DLG1: variants seen among roughly 807,000 people sequenced by gnomAD.
The protein encoded by DLG1 is disks large homolog 1.
DLG1 carries 42 observed loss-of-function variants against 123.4 expected under a neutral mutation model. That is an observed-to-expected ratio of 0.34 (90% CI 0.27 to 0.44). DLG1 has a LOEUF of 0.44. DLG1 is among the 20% of genes least tolerant of loss of function. The pLI is 1.00. For missense variants in DLG1, 942 were observed against 1,082.6 expected (o/e 0.87, Z 1.82); for synonymous variants, 317 against 356.2 (o/e 0.89, Z 1.24).
chr3:197,149,475 A>T (rs546961678), intron 6 of DLG1, among the ~76,000 whole-genome samples: 20 of 152,222 alleles, frequency 1.3e-4, no homozygotes, highest in Non-Finnish European at 2.6e-4. Context: ...GGTCAGAGAC[A>T]ACCTTTTGTG....
At chr3:197,260,797 T>C (rs181629479) in intron 4 of DLG1, among the ~76,000 whole-genome samples, 166 of 85,640 alleles carry the variant, frequency 1.9e-3, no homozygotes, top group African/African-American at 7.2e-3. Context: ...ACTAAAAATA[T>C]GCAAGCAAAC....
intron 4 of DLG1, among the ~76,000 whole-genome samples, chr3:197,253,386 T>G (rs563186866): frequency 1.3e-5 from 2 of 152,052 alleles, no homozygotes; most frequent in African/African-American, 4.8e-5. Flanking sequence ...TAAAATAAAA[T>G]GAGGCAACAC....
intron 15 of DLG1, among the ~76,000 whole-genome samples, chr3:197,090,592 A>C (rs1757218313): frequency 6.6e-6 from 1 of 152,090 alleles, no homozygotes; most frequent in South Asian, 2.1e-4. Context: ...GTTAAATCTA[A>C]GTGTTAGACA....
intron 3 of DLG1, chr3:197,293,893 G>C (rs1170113582): frequency 3.1e-5 from 4 of 130,150 alleles, no homozygotes; most frequent in African/African-American, 1.1e-4. Flanking sequence ...AGAAGACAGA[G>C]TGCCACTTAC....
intron 4 of DLG1, among the ~76,000 whole-genome samples, chr3:197,255,830 T>C (rs1199728330): frequency 1.3e-5 from 2 of 151,460 alleles, no homozygotes; most frequent in Non-Finnish European, 2.9e-5. Context: ...AAAGAGCTAA[T>C]GGGAGTCTTT....
chr3:197,147,337 C>T (rs1025959188), intron 6 of DLG1, among the ~76,000 whole-genome samples: 1 of 152,112 alleles, frequency 6.6e-6, no homozygotes, highest in African/African-American at 2.4e-5. Flanking sequence ...GATACTTGCA[C>T]ATGCATGTTT....
At chr3:197,075,768 AT>A (rs1391390619) in intron 18 of DLG1, 6 of 1,392,650 alleles carry the variant, frequency 4.3e-6, no homozygotes, top group Admixed American at 1.8e-5. Context: ...GAATCTCAAA[AT>A]GTATCTGAAT....
chr3:197,144,696 T>A (rs908033723), intron 6 of DLG1, among the ~76,000 whole-genome samples: 1 of 152,200 alleles, frequency 6.6e-6, no homozygotes, highest in African/African-American at 2.4e-5. Flanking sequence ...TTGAAGCCCA[T>A]CTCTACTACC....
intron 4 of DLG1, among the ~76,000 whole-genome samples, chr3:197,256,727 G>A (rs572725921): frequency 6.6e-6 from 1 of 152,178 alleles, no homozygotes; most frequent in East Asian, 1.9e-4. Context: ...TTATCAATAC[G>A]AGCTTTCAGT....
At chr3:197,268,493 C>G (rs1404948598) in intron 4 of DLG1, among the ~76,000 whole-genome samples, 1 of 151,960 alleles carries the variant, frequency 6.6e-6, no homozygotes. Context: ...GATCACAGCT[C>G]ACTGCAGCCT....
intron 5 of DLG1, among the ~76,000 whole-genome samples, chr3:197,152,589 C>T (rs574650852): frequency 2.0e-5 from 3 of 151,154 alleles, no homozygotes; most frequent in South Asian, 4.2e-4. Flanking sequence ...ATCCTGGCCC[C>T]GTCTCTACTA....
chr3:197,254,348 T>A (rs1755863354), intron 4 of DLG1, among the ~76,000 whole-genome samples: 1 of 152,210 alleles, frequency 6.6e-6, no homozygotes, highest in African/African-American at 2.4e-5. Flanking sequence ...CCCACCCTCA[T>A]GACAGCTGAA....
intron 5 of DLG1, among the ~76,000 whole-genome samples, chr3:197,163,520 T>A (rs1357266306): frequency 6.6e-6 from 1 of 150,532 alleles, no homozygotes; most frequent in Non-Finnish European, 1.5e-5. Context: ...ACACAATGGG[T>A]ATGATTTTTT....
chr3:197,199,246 A>T (rs1022113920), intron 4 of DLG1, among the ~76,000 whole-genome samples: 1 of 152,166 alleles, frequency 6.6e-6, no homozygotes, highest in Non-Finnish European at 1.5e-5. Context: ...ACAGTTACCA[A>T]AACTAAAGTC....
intron 4 of DLG1, among the ~76,000 whole-genome samples, chr3:197,222,292 G>A (rs988442881): frequency 5.3e-5 from 8 of 151,878 alleles, no homozygotes; most frequent in Non-Finnish European, 8.8e-5. Flanking sequence ...CCCTTTCCCC[G>A]TCTTTATGAC....
chr3:197,248,725 AG>A lies in DLG1; in HGVS notation c.318+33953del, dbSNP rs566449961. On this transcript the variant is annotated intron_variant, in intron 4 of 24. Coordinates refer to ENST00000667157, the MANE Select transcript of DLG1 (RefSeq NM_001366207.1). Reference sequence around the variant, plus strand: ...AGCATTTAGAATAGGACAAAGAACCAGGAAGTTTATTTTTTGTACCTAACAA... The same window carrying A: ...AGCATTTAGAATAGGACAAAGAACCAGAAGTTTATTTTTTGTACCTAACAA... Among the ~76,000 whole-genome samples the A allele has an allele frequency of 1.3e-4, 20 of 150,190 alleles. No individual in the cohort carries two copies. In the South Asian group the frequency reaches 4.2e-3, roughly 31 times the overall value.
rs1220908992 is a variant in DLG1, at chr3:197,044,396, A to G, written c.*227T>C. 1 of 361,228 alleles carries G rather than the reference A, an allele frequency of 2.8e-6. No homozygotes were observed. The highest frequency in any genetic ancestry group is 5.0e-6 in the Non-Finnish European group (1 of 201,358). The allele number at this position is 361,228 out of a possible 1,614,324, so 22.4% of individuals were successfully genotyped here. On this transcript the variant is annotated 3_prime_UTR_variant, in exon 25 of 25. Transcript: ENST00000667157. Reference sequence around the variant, plus strand: ...CACGTTCTTAATAGCTGGTCAGGCCATTCCATCTTCAGTTCTGAAAAATGG... The same window carrying G: ...CACGTTCTTAATAGCTGGTCAGGCCGTTCCATCTTCAGTTCTGAAAAATGG...
rs527993297 is a variant in DLG1, at chr3:197,258,941, C to T, written c.318+23738G>A. Among the ~76,000 whole-genome samples, 838 of 152,138 alleles carry T rather than the reference C, an allele frequency of 5.5e-3. 7 individuals carry two copies. Among genetic ancestry groups the T allele is most frequent in the Non-Finnish European group, 7.7e-3 (526 of 67,992 alleles). ...GTTATATAATAAAAATTTATAAATA[C>T]TTTAGGATAATGATTACATCTAATT... On this transcript the variant is annotated intron_variant, in intron 4 of 24. Coordinates refer to ENST00000667157, the MANE Select transcript of DLG1 (RefSeq NM_001366207.1).
At chr3:197,110,571 C>G (rs1158958127) in intron 13 of DLG1, among the ~76,000 whole-genome samples, 1 of 152,120 alleles carries the variant, frequency 6.6e-6, no homozygotes, top group Non-Finnish European at 1.5e-5. Flanking sequence ...TTCCGCTTGT[C>G]TCAAAATTTT....
Sources: gnomAD v4.1 joint callset for allele counts (sites outside exome capture counted in the v4.1 genomes callset) on GRCh38, gnomAD v4.1.1 for gene constraint, MANE v1.5 for transcripts, NCBI Gene and HGNC (gene_info 2026-07-23, HGNC 2026-07-21) for gene names.